The following TFCP2L1 variants were observed in gnomAD, a reference collection of about 807,000 sequenced individuals.
TFCP2L1 encodes transcription factor CP2 like 1, also known as transcription factor CP2-like protein 1.
In TFCP2L1, 12 loss-of-function variants were observed where a neutral mutation model predicts 72.2. That is an observed-to-expected ratio of 0.17 (90% CI 0.11 to 0.27). The LOEUF is 0.27. TFCP2L1 is among the 10% of genes least tolerant of loss of function. The pLI is 1.00. For synonymous variants in TFCP2L1, 260 were observed against 251.0 expected, an observed-to-expected ratio of 1.04 and a Z score of -0.34; for missense variants, 488 against 624.6, an observed-to-expected ratio of 0.78 and a Z score of 2.33.
At chr2:121,276,235 G>C (rs1687144196) in intron 2 of TFCP2L1, among the ~76,000 whole-genome samples, 2 of 133,684 alleles carry the variant, frequency 1.5e-5, no homozygotes, top group Non-Finnish European at 3.2e-5. Context: ...CCCCCCGACA[G>C]GCCCCAGTGT....
At position 121,283,004 on chromosome 2, in the gene TFCP2L1, C is replaced by T. The variant is rs140911096; in HGVS notation, c.63-1733G>A. On this transcript the variant is annotated intron_variant, in intron 1 of 14. Coordinates refer to ENST00000263707, the MANE Select transcript of TFCP2L1 (RefSeq NM_014553.3). ...ACAGGGCGTCTTCCTTTTGTCAGAG[C>T]AGGGCACACTCCCAGCCCGGGTGGT... Among the ~76,000 whole-genome samples, 711 of 152,302 alleles carry T rather than the reference C, an allele frequency of 4.7e-3. 3 individuals are homozygous for T. The highest frequency in any genetic ancestry group is 0.016 in the African/African-American group (664 of 41,574).
intron 2 of TFCP2L1, 49 bp from the exon 3 acceptor site, chr2:121,249,696 T>G: frequency 5.6e-6 from 9 of 1,596,942 alleles, no homozygotes; most frequent in Non-Finnish European, 7.7e-6. Context: ...ATTTCTAAAT[T>G]TGGGGTTCAT....
At position 121,223,204 on chromosome 2, in the gene TFCP2L1, A is replaced by C. The variant is rs1685958736; in HGVS notation, c.*1137T>G. On this transcript the variant is annotated 3_prime_UTR_variant, in exon 15 of 15. Coordinates refer to ENST00000263707, the MANE Select transcript of TFCP2L1 (RefSeq NM_014553.3). ...CTGAAGCCCTGGGCCAGTAGAGATC[A>C]CTGGATCCCAGGAACCAGAGGCAAG... The C allele has an allele frequency of 6.6e-6, 1 of 152,184 alleles. No individual in the cohort carries two copies. Among genetic ancestry groups the C allele is most frequent in the Non-Finnish European group, 1.5e-5 (1 of 68,034 alleles). 9.4% of individuals were successfully genotyped at this position (152,184 alleles called of 1,614,324 possible).
intron 13 of TFCP2L1, among the ~76,000 whole-genome samples, chr2:121,231,621 G>C (rs967561012): frequency 6.6e-6 from 1 of 152,250 alleles, no homozygotes; most frequent in Non-Finnish European, 1.5e-5. Context: ...GGGGTAAGGA[G>C]TGCCTACTTG....
At chr2:121,236,403 G>T (rs1159166299) in intron 10 of TFCP2L1, among the ~76,000 whole-genome samples, 1 of 152,094 alleles carries the variant, frequency 6.6e-6, no homozygotes, top group Non-Finnish European at 1.5e-5. Flanking sequence ...ATAGGAAGGT[G>T]ACCGTCTCAT....
chr2:121,283,910 C>T (rs1242352193), intron 1 of TFCP2L1, among the ~76,000 whole-genome samples: 1 of 152,230 alleles, frequency 6.6e-6, no homozygotes, highest in Non-Finnish European at 1.5e-5. Context: ...TGCCGGGTGG[C>T]TGTCAGCCTT....
intron 12 of TFCP2L1, among the ~76,000 whole-genome samples, chr2:121,232,729 C>T (rs1686169486): frequency 6.6e-6 from 1 of 152,128 alleles, no homozygotes; most frequent in Non-Finnish European, 1.5e-5. Context: ...TTTCCCCTGC[C>T]CGCAACACAA....
intron 7 of TFCP2L1, 152 bp from the exon 8 acceptor site, chr2:121,239,801 C>T (rs1686327743): frequency 4.8e-6 from 4 of 831,028 alleles, no homozygotes; most frequent in Non-Finnish European, 7.2e-6. Flanking sequence ...CAGTGAGCCA[C>T]GGCAAGGCAG....
chr2:121,284,306 C>T (rs975943083), intron 1 of TFCP2L1, among the ~76,000 whole-genome samples: 12 of 152,176 alleles, frequency 7.9e-5, no homozygotes, highest in Non-Finnish European at 2.9e-5. Flanking sequence ...AATGACTGCC[C>T]ATTAGTCCCG....
chr2:121,281,319 C>A, intron 1 of TFCP2L1, 48 bp from the exon 2 acceptor site: 1 of 1,538,924 alleles, frequency 6.5e-7, no homozygotes, highest in Non-Finnish European at 8.7e-7. Flanking sequence ...CCAGGGGGCT[C>A]CTGCACAGAG....
intron 7 of TFCP2L1, chr2:121,240,018 C>G (rs529471753): frequency 2.0e-6 from 2 of 983,298 alleles, no homozygotes; most frequent in Non-Finnish European, 2.4e-6. Context: ...GAGACAAATT[C>G]GTGTAAATGT....
intron 4 of TFCP2L1, 116 bp downstream of exon 4, chr2:121,248,866 G>T: frequency 1.3e-6 from 1 of 750,296 alleles, no homozygotes; most frequent in South Asian, 2.0e-5. Context: ...GTTTTACACA[G>T]AGCAGGTGCA....
At chr2:121,274,861 A>G (rs1229132335) in intron 2 of TFCP2L1, among the ~76,000 whole-genome samples, 2 of 151,930 alleles carry the variant, frequency 1.3e-5, no homozygotes, top group Non-Finnish European at 2.9e-5. Context: ...AGGACTAATT[A>G]TTCCAGGAGG....
chr2:121,231,575 T>G (rs914373603), intron 13 of TFCP2L1, among the ~76,000 whole-genome samples: 3 of 152,262 alleles, frequency 2.0e-5, no homozygotes, highest in Admixed American at 6.5e-5. Flanking sequence ...GAGTGGAGTC[T>G]GTCCTCCTGG....
intron 2 of TFCP2L1, among the ~76,000 whole-genome samples, chr2:121,269,909 A>C (rs1415690048): frequency 1.2e-5 from 1 of 82,846 alleles, no homozygotes; most frequent in Non-Finnish European, 3.1e-5. Context: ...ACTCCATCTA[A>C]AAAAAAAAAA....
rs1685936971 is a variant in TFCP2L1 at position 121,221,977 on chromosome 2, CA to C, written c.*2363del. The C allele has an allele frequency of 6.6e-6, 1 of 151,804 alleles. No individual in the cohort carries two copies. The highest frequency in any genetic ancestry group is 2.4e-5 in the African/African-American group (1 of 41,330). The allele number at this position is 151,804 out of a possible 1,614,324, so 9.4% of individuals were successfully genotyped here. On this transcript the variant is annotated 3_prime_UTR_variant, in exon 15 of 15. Transcript: ENST00000263707. Reference sequence around the variant, plus strand: ...AAAACTTAAAAAAAAAAAGACAACTCAATTAAAAATAGGCAAAGGACCTGGA... The same window carrying C: ...AAAACTTAAAAAAAAAAAGACAACTCATTAAAAATAGGCAAAGGACCTGGA...
At chr2:121,265,822 C>G (rs962175856) in intron 2 of TFCP2L1, among the ~76,000 whole-genome samples, 5 of 151,510 alleles carry the variant, frequency 3.3e-5, no homozygotes, top group Non-Finnish European at 4.4e-5. Context: ...AAACACCTTC[C>G]TCATTCAGAG....
chr2:121,251,312 C>T (rs1686608864), intron 2 of TFCP2L1, among the ~76,000 whole-genome samples: 1 of 152,062 alleles, frequency 6.6e-6, no homozygotes. Flanking sequence ...CAGCATCCCC[C>T]ACGGTGGCAT....
In TFCP2L1 at chr2:121,225,618, G is replaced by C. The variant is rs768928230; in HGVS notation, c.1342-5C>G. On this transcript the variant is annotated splice_polypyrimidine_tract_variant and splice_region_variant and intron_variant, in intron 13 of 14. Coordinates refer to ENST00000263707, the MANE Select transcript of TFCP2L1 (RefSeq NM_014553.3). ...ATCTTGGAAGTTCTGCACCATCTGA[G>C]AGACAAAAGAGAGAACATGTTCCTT... 3 of 1,613,948 alleles carry C rather than the reference G, an allele frequency of 1.9e-6. No homozygotes were observed. The African/African-American group carries it at 4.0e-5, about 22-fold the overall frequency.
Sources: allele counts gnomAD v4.1 joint callset (sites outside exome capture counted in the v4.1 genomes callset), GRCh38; gene constraint gnomAD v4.1.1; transcripts MANE v1.5; gene names NCBI Gene and HGNC (gene_info 2026-07-23, HGNC 2026-07-21).